The following RPS6KC1 variants were observed in gnomAD, a reference collection of about 807,000 sequenced individuals.
The protein encoded by RPS6KC1 is ribosomal protein S6 kinase C1.
Under a neutral mutation model 103.8 loss-of-function variants are expected in RPS6KC1, and 54 were observed. The observed-to-expected ratio is 0.52, with a 90% CI of 0.42 to 0.65. The LOEUF is 0.65. Ranked by LOEUF, RPS6KC1 falls within the 30% of genes least tolerant of loss-of-function variation. The pLI is 0.00. For missense variants in RPS6KC1, 1,151 were observed against 1,253.8 expected (o/e 0.92, Z 1.24); for synonymous variants, 439 against 438.7 (o/e 1.00, Z -0.01).
At chr1:213,473,389 A>T in the RPS6KC1 span, among the ~76,000 whole-genome samples, 1 of 152,240 alleles carries the variant, frequency 6.6e-6, no homozygotes, top group Non-Finnish European at 1.5e-5. Flanking sequence ...AATAAACCAC[A>T]GTAGGCATGA....
chr1:213,751,482 C>T, the RPS6KC1 span, among the ~76,000 whole-genome samples: 1 of 152,178 alleles, frequency 6.6e-6, no homozygotes, highest in African/African-American at 2.4e-5. Flanking sequence ...TTCTGTCACT[C>T]CTATCTCCCA....
At chr1:213,323,844 A>G in the RPS6KC1 span, among the ~76,000 whole-genome samples, 326 of 152,290 alleles carry the variant, frequency 2.1e-3, 8 homozygotes, top group Non-Finnish European at 2.8e-4. Context: ...ATTTTTAACA[A>G]TCAATGAACC....
the RPS6KC1 span, among the ~76,000 whole-genome samples, chr1:213,354,786 A>C: frequency 1.3e-5 from 2 of 152,210 alleles, no homozygotes; most frequent in African/African-American, 2.4e-5. Context: ...GGATTAATCT[A>C]TTCCTTTAGG....
intron 3 of RPS6KC1, among the ~76,000 whole-genome samples, chr1:213,082,032 A>G (rs1360593728): frequency 6.6e-6 from 1 of 152,152 alleles, no homozygotes; most frequent in Non-Finnish European, 1.5e-5. Flanking sequence ...ATAACTACTT[A>G]ATAGACTTTG....
At chr1:213,577,937 C>T in the RPS6KC1 span, among the ~76,000 whole-genome samples, 3 of 152,282 alleles carry the variant, frequency 2.0e-5, no homozygotes, top group East Asian at 5.8e-4. Context: ...AACGAGGAGC[C>T]GAATGTTATT....
chr1:213,060,892 A>G (rs188688614), intron 1 of RPS6KC1, among the ~76,000 whole-genome samples: 1 of 152,172 alleles, frequency 6.6e-6, no homozygotes, highest in Non-Finnish European at 1.5e-5. Context: ...TTGGATTTTT[A>G]TAACAAGATA....
the RPS6KC1 span, among the ~76,000 whole-genome samples, chr1:213,448,341 A>C: frequency 1.3e-5 from 2 of 151,886 alleles, no homozygotes; most frequent in Non-Finnish European, 2.9e-5. Flanking sequence ...GTTCTAGATG[A>C]CGGATGGAAG....
chr1:213,176,895 G>A (rs1432554499), intron 8 of RPS6KC1, among the ~76,000 whole-genome samples: 2 of 152,100 alleles, frequency 1.3e-5, no homozygotes, highest in African/African-American at 4.8e-5. Flanking sequence ...CCTACTATAT[G>A]TCGGACCCTA....
chr1:213,783,398 C>G, the RPS6KC1 span, among the ~76,000 whole-genome samples: 1 of 152,154 alleles, frequency 6.6e-6, no homozygotes, highest in East Asian at 1.9e-4. Context: ...TGCTACAAGC[C>G]GAACCCTCTG....
the RPS6KC1 span, among the ~76,000 whole-genome samples, chr1:213,443,507 C>T: frequency 6.6e-6 from 1 of 152,094 alleles, no homozygotes; most frequent in Non-Finnish European, 1.5e-5. Context: ...ATTAATAGTT[C>T]AAAGACCATG....
At chr1:213,321,556 G>C in the RPS6KC1 span, among the ~76,000 whole-genome samples, 1 of 151,948 alleles carries the variant, frequency 6.6e-6, no homozygotes, top group South Asian at 2.1e-4. Context: ...CTGGCAGAGA[G>C]TGATCCTTTA....
chr1:213,572,607 TAAAC>T, the RPS6KC1 span, among the ~76,000 whole-genome samples: 4 of 152,236 alleles, frequency 2.6e-5, no homozygotes, highest in African/African-American at 9.6e-5. Flanking sequence ...ATTTTACAAA[TAAAC>T]AAATTTAGTT....
the RPS6KC1 span, among the ~76,000 whole-genome samples, chr1:213,758,606 A>G: frequency 1.3e-5 from 2 of 152,086 alleles, no homozygotes; most frequent in Admixed American, 1.3e-4. Flanking sequence ...GTGATTCATG[A>G]TTCATGAAAG....
At chr1:213,184,864 A>AT (rs1370420186) in intron 8 of RPS6KC1, among the ~76,000 whole-genome samples, 2 of 152,076 alleles carry the variant, frequency 1.3e-5, no homozygotes, top group East Asian at 1.9e-4. Context: ...GCTTGACATG[A>AT]TTTTTTTAAA....
chr1:213,283,553 A>G, the RPS6KC1 span, among the ~76,000 whole-genome samples: 2 of 152,214 alleles, frequency 1.3e-5, no homozygotes, highest in East Asian at 3.9e-4. Context: ...TGGGAAGCTC[A>G]GTGGCCCAAT....
Position 213,274,711 on chromosome 1 carries a change from T to A in RPS6KC1, c.*2077T>A, listed in dbSNP as rs2095106022. ...GATTTTTGTGGTTGTTTTTTTTTTATATTTTGTTTGTTTAAGCAGAAGAGT... is the reference window on the plus strand; with the variant it reads ...GATTTTTGTGGTTGTTTTTTTTTTAAATTTTGTTTGTTTAAGCAGAAGAGT... On this transcript the variant is annotated 3_prime_UTR_variant, in exon 15 of 15. Coordinates refer to ENST00000366960, the MANE Select transcript of RPS6KC1 (RefSeq NM_012424.6). 6.6e-6 allele frequency: 1 copy of A among 152,066 alleles called. No homozygotes were observed. The allele number at this position is 152,066 out of a possible 1,614,324, so 9.4% of individuals were successfully genotyped here.
chr1:213,052,962 A>G (rs1055815602), intron 1 of RPS6KC1, among the ~76,000 whole-genome samples: 2 of 152,186 alleles, frequency 1.3e-5, no homozygotes, highest in African/African-American at 4.8e-5. Flanking sequence ...ATGTCTGTAT[A>G]AAGATAATGA....
chr1:213,205,547 G>GATATATATATATATATATAT (rs764745657), intron 8 of RPS6KC1, among the ~76,000 whole-genome samples: 11 of 102,440 alleles, frequency 1.1e-4, no homozygotes, highest in South Asian at 3.2e-4. Context: ...TATATATATA[G>GATATATATATATATATATAT]ATATATATAT....
the RPS6KC1 span, among the ~76,000 whole-genome samples, chr1:213,602,515 G>C: frequency 6.6e-6 from 1 of 152,000 alleles, no homozygotes; most frequent in East Asian, 1.9e-4. Flanking sequence ...TTACAGGCGT[G>C]AGCCATTGCG....
Sources: allele counts gnomAD v4.1 joint callset (sites outside exome capture counted in the v4.1 genomes callset), GRCh38; gene constraint gnomAD v4.1.1; transcripts MANE v1.5; gene names NCBI Gene and HGNC (gene_info 2026-07-23, HGNC 2026-07-21).